TM9SF4: variants seen among roughly 807,000 people sequenced by gnomAD.
The protein encoded by TM9SF4 is transmembrane 9 superfamily member 4.
Under a neutral mutation model 90.4 loss-of-function variants are expected in TM9SF4, and 26 were observed. The ratio of observed to expected loss-of-function variants is 0.29; its 90% confidence interval spans 0.21 to 0.40. The LOEUF is 0.40. Ranked by LOEUF, TM9SF4 falls within the 10% of genes least tolerant of loss-of-function variation. The pLI, the probability that TM9SF4 is intolerant of heterozygous loss-of-function variation, is 1.00. For missense variants in TM9SF4, 549 were observed against 834.8 expected (o/e 0.66, Z 4.22); for synonymous variants, 293 against 315.4 (o/e 0.93, Z 0.75).
chr20:32,142,831 C>T, intron 5 of TM9SF4, 151 bp from the exon 6 acceptor site: 1 of 972,508 alleles, frequency 1.0e-6, no homozygotes, highest in Non-Finnish European at 1.5e-6. Flanking sequence ...CTGCAGGGAG[C>T]CCTTGAAGAG....
chr20:32,123,126 C>A (rs1203330943), intron 1 of TM9SF4, among the ~76,000 whole-genome samples: 1 of 132,098 alleles, frequency 7.6e-6, no homozygotes, highest in Non-Finnish European at 1.6e-5. Context: ...GCAGTATAGT[C>A]CAGCTTCGGC....
At chr20:32,121,906 C>T (rs376164657) in intron 1 of TM9SF4, among the ~76,000 whole-genome samples, 13,908 of 138,522 alleles carry the variant, frequency 0.1, 1,670 homozygotes, top group African/African-American at 0.3. Flanking sequence ...CCCTCCCGGA[C>T]GGGGCGGCTG....
chr20:32,123,849 TATATA>T (rs2046372789), intron 1 of TM9SF4, among the ~76,000 whole-genome samples: 1 of 85,342 alleles, frequency 1.2e-5, no homozygotes, highest in African/African-American at 4.6e-5. Flanking sequence ...CTCTCTCATA[TATATA>T]TATATATATA....
chr20:32,140,117 C>T (rs2046650595), intron 3 of TM9SF4, among the ~76,000 whole-genome samples: 1 of 151,734 alleles, frequency 6.6e-6, no homozygotes, highest in Non-Finnish European at 1.5e-5. Context: ...GACTAGATGA[C>T]TAGGGAGAGT....
At chr20:32,126,404 C>T (rs996523103) in intron 1 of TM9SF4, among the ~76,000 whole-genome samples, 1 of 152,232 alleles carries the variant, frequency 6.6e-6, no homozygotes, top group Non-Finnish European at 1.5e-5. Flanking sequence ...ATAGTTGCCA[C>T]CAGGCCTTTG....
chr20:32,123,172 G>C (rs1276359512), intron 1 of TM9SF4, among the ~76,000 whole-genome samples: 6 of 31,268 alleles, frequency 1.9e-4, no homozygotes, highest in African/African-American at 6.0e-4. Flanking sequence ...AGAGGGAGAG[G>C]GGGAGGGGGG....
At chr20:32,154,614 G>A (rs886912804) in intron 12 of TM9SF4, among the ~76,000 whole-genome samples, 15 of 151,914 alleles carry the variant, frequency 9.9e-5, no homozygotes, top group African/African-American at 3.6e-4. Context: ...CCACCACACC[G>A]GCTATTTTTT....
chr20:32,123,426 A>G (rs2046365216), intron 1 of TM9SF4, among the ~76,000 whole-genome samples: 1 of 151,596 alleles, frequency 6.6e-6, no homozygotes, highest in African/African-American at 2.4e-5. Flanking sequence ...ATTTTGACCT[A>G]CAGTTTTTAA....
In TM9SF4 at chr20:32,141,481, G is replaced by C; in HGVS notation, c.230-16G>C. ...AGGGCTGAAGCTCTGAGCTTGATCT[G>C]TCTCTCTTACGGCAGGAGAGGTGCT... is the stretch of plus-strand genomic sequence containing the variant. On this transcript the variant is annotated splice_polypyrimidine_tract_variant and intron_variant, in intron 3 of 17. Transcript: ENST00000398022. The C allele has an allele frequency of 6.2e-7, 1 of 1,613,418 alleles. No homozygotes were observed. The highest frequency in any genetic ancestry group is 1.7e-5 in the Admixed American group (1 of 59,994).
chr20:32,144,623 T>C (rs1298093644), intron 6 of TM9SF4, among the ~76,000 whole-genome samples: 1 of 152,072 alleles, frequency 6.6e-6, no homozygotes, highest in African/African-American at 2.4e-5. Context: ...TCAAAAACCA[T>C]TGTTGGCCAG....
chr20:32,145,475 C>T (rs773708119), intron 8 of TM9SF4, 52 bp downstream of exon 8: 4 of 1,514,036 alleles, frequency 2.6e-6, no homozygotes, highest in Admixed American at 3.4e-5. Flanking sequence ...GGTTGAGGGA[C>T]TGAGACATCA....
intron 12 of TM9SF4, among the ~76,000 whole-genome samples, chr20:32,151,443 CGAGTGA>C (rs766737954): frequency 0.42 from 64,069 of 151,850 alleles, 13,867 homozygotes; most frequent in East Asian, 0.74. Flanking sequence ...TCTCCTAGAG[CGAGTGA>C]GTCTCTTAGA....
chr20:32,149,757 A>G lies in TM9SF4; in HGVS notation c.1078A>G (p.Ile360Val). ...CATTCAGCTGTTCTGTATGATCCTC[A>G]TCGTCATCTGTGAGTGTGCCCAGCG... ...SGIQLFCMIL[I>V]VIFVAMLGML... Residue 360 changes from isoleucine (I) to valine (V), a missense_variant, in exon 10 of 18, where the codon ATC (isoleucine) becomes GTC (valine). Ile to Val is a conservative substitution (Grantham distance 29). Transcript: ENST00000398022. 1 of 1,614,060 alleles carries G rather than the reference A, an allele frequency of 6.2e-7. No homozygotes were observed. The highest frequency in any genetic ancestry group is 8.5e-7 in the Non-Finnish European group (1 of 1,179,966).
At chr20:32,152,354 A>G (rs745411381) in intron 12 of TM9SF4, among the ~76,000 whole-genome samples, 25 of 148,172 alleles carry the variant, frequency 1.7e-4, no homozygotes, top group Non-Finnish European at 3.3e-4. Context: ...TTTTCCCCCA[A>G]ACCACCCCTT....
At chr20:32,124,203 A>G (rs6142613) in intron 1 of TM9SF4, among the ~76,000 whole-genome samples, 64,127 of 151,794 alleles carry the variant, frequency 0.42, 13,909 homozygotes, top group East Asian at 0.74. Flanking sequence ...GCCTGCCTTC[A>G]TTATTTCTCT....
chr20:32,164,795 C>T (rs1180161177), intron 17 of TM9SF4, among the ~76,000 whole-genome samples: 1 of 152,144 alleles, frequency 6.6e-6, no homozygotes, highest in Admixed American at 6.5e-5. Context: ...CTAAACTCTA[C>T]CCCAGTTAAA....
At chr20:32,138,119 T>C (rs1436748868) in intron 3 of TM9SF4, among the ~76,000 whole-genome samples, 2 of 152,242 alleles carry the variant, frequency 1.3e-5, no homozygotes, top group African/African-American at 4.8e-5. Flanking sequence ...TCAGGTTCTT[T>C]TACCCTAAAG....
chr20:32,157,960 G>A lies in TM9SF4; in HGVS notation c.1496G>A (p.Arg499Gln), dbSNP rs376319851. 65 of 1,613,968 alleles carry A rather than the reference G, an allele frequency of 4.0e-5. No individual in the cohort carries two copies. Among genetic ancestry groups the A allele is most frequent in the Non-Finnish European group, 5.2e-5 (61 of 1,180,010 alleles). ...QIPEQRWYMN[R>Q]FVGILMAGIL... ...CCCGAGCAGCGGTGGTACATGAACCGATTTGTGGGGTGAGTCCTCCAGCAG... is the reference window on the plus strand; with the variant it reads ...CCCGAGCAGCGGTGGTACATGAACCAATTTGTGGGGTGAGTCCTCCAGCAG... Residue 499 changes from arginine to glutamine, a missense_variant, in exon 14 of 18, where the codon CGA (arginine) becomes CAA (glutamine). This residue lies in a region of TM9SF4 where 495 missense variants were observed against 711.7 expected (regional missense o/e 0.70). Transcript: ENST00000398022.
intron 15 of TM9SF4, 123 bp downstream of exon 15, chr20:32,158,637 C>T: frequency 2.2e-6 from 2 of 923,230 alleles, no homozygotes; most frequent in South Asian, 1.5e-5. Flanking sequence ...TCTCGGAGCC[C>T]CATTCTTCAC....
Sources: allele counts gnomAD v4.1 joint callset (sites outside exome capture counted in the v4.1 genomes callset), GRCh38; gene constraint gnomAD v4.1.1; regional missense constraint gnomAD v4.1.1; transcripts MANE v1.5; gene names NCBI Gene and HGNC (gene_info 2026-07-23, HGNC 2026-07-21).